Variants in UNC13C observed in about 807,000 individuals in gnomAD.
The protein encoded by UNC13C is unc-13 homolog C, also known as protein unc-13 homolog C.
Under a neutral mutation model 245.4 loss-of-function variants are expected in UNC13C, and 174 were observed. The observed-to-expected ratio is 0.71, with a 90% CI of 0.63 to 0.80. UNC13C has a LOEUF of 0.80. Ranked by LOEUF, UNC13C falls within the 30% of genes least tolerant of loss-of-function variation. The pLI, the probability that UNC13C is intolerant of heterozygous loss-of-function variation, is 0.00. For synonymous variants in UNC13C, 992 were observed against 895.1 expected (o/e 1.11, Z -1.93); for missense variants, 2,829 against 2,602.9 (o/e 1.09, Z -1.89).
chr15:54,585,025 A>G (rs934994734), intron 30 of UNC13C, among the ~76,000 whole-genome samples: 15 of 152,212 alleles, frequency 9.9e-5, no homozygotes, highest in African/African-American at 3.6e-4. Context: ...CCATCACCAG[A>G]CTACCATTGG....
chr15:53,946,370 C>A, the UNC13C span, among the ~76,000 whole-genome samples: 2 of 151,768 alleles, frequency 1.3e-5, no homozygotes, highest in South Asian at 2.1e-4. Flanking sequence ...ATGATGTTGG[C>A]TGAGGGTTCA....
At chr15:53,872,244 T>C in the UNC13C span, among the ~76,000 whole-genome samples, 1 of 152,138 alleles carries the variant, frequency 6.6e-6, no homozygotes, top group African/African-American at 2.4e-5. Context: ...GGGAGGAATA[T>C]GTCAGATAGG....
intron 14 of UNC13C, among the ~76,000 whole-genome samples, chr15:54,326,068 A>T (rs1308800992): frequency 1.3e-5 from 2 of 152,078 alleles, no homozygotes; most frequent in Admixed American, 1.3e-4. Flanking sequence ...AGGAGAGGCT[A>T]GCCTTTAGAA....
At chr15:53,940,356 T>C in the UNC13C span, among the ~76,000 whole-genome samples, 3 of 152,112 alleles carry the variant, frequency 2.0e-5, no homozygotes, top group South Asian at 4.2e-4. Flanking sequence ...CCACAGCCAA[T>C]ATTATACTGA....
intron 2 of UNC13C, among the ~76,000 whole-genome samples, chr15:54,025,817 T>A (rs976149040): frequency 3.3e-5 from 5 of 152,236 alleles, no homozygotes; most frequent in African/African-American, 1.2e-4. Flanking sequence ...ACATGATTAT[T>A]CAGGTGTCAT....
the UNC13C span, among the ~76,000 whole-genome samples, chr15:53,858,313 T>G: frequency 2.0e-5 from 3 of 152,168 alleles, no homozygotes; most frequent in African/African-American, 7.2e-5. Context: ...TTATGTTTGG[T>G]TTCACTTTAG....
intron 30 of UNC13C, among the ~76,000 whole-genome samples, chr15:54,613,392 CAT>C (rs1596677421): frequency 6.6e-6 from 1 of 151,790 alleles, no homozygotes; most frequent in African/African-American, 2.4e-5. Context: ...ATGCATGAAT[CAT>C]AAAATATTCA....
At chr15:54,491,378 AAC>A (rs1286403954) in intron 19 of UNC13C, among the ~76,000 whole-genome samples, 2 of 152,220 alleles carry the variant, frequency 1.3e-5, no homozygotes, top group African/African-American at 4.8e-5. Context: ...CCTTCATATC[AAC>A]ATGATAAAAG....
intron 24 of UNC13C, among the ~76,000 whole-genome samples, chr15:54,525,335 T>G (rs1462603663): frequency 1.3e-5 from 2 of 151,966 alleles, no homozygotes; most frequent in Non-Finnish European, 2.9e-5. Flanking sequence ...TGCCCTGCAT[T>G]TCAAACAATT....
intron 2 of UNC13C, among the ~76,000 whole-genome samples, chr15:54,035,879 C>T (rs1212139913): frequency 3.9e-5 from 6 of 152,022 alleles, no homozygotes; most frequent in Non-Finnish European, 5.9e-5. Flanking sequence ...TGGATTCTTA[C>T]GTGCAGCCGT....
chr15:54,622,224 T>C (rs11638551), intron 30 of UNC13C, 103 bp from the exon 31 acceptor site: 36,968 of 803,112 alleles, frequency 0.046, 1,497 homozygotes, highest in Admixed American at 0.15. Flanking sequence ...GAAAGAACTA[T>C]TCATTTCCAA....
chr15:54,374,760 C>T (rs2039568254), intron 17 of UNC13C, among the ~76,000 whole-genome samples: 1 of 152,202 alleles, frequency 6.6e-6, no homozygotes, highest in Non-Finnish European at 1.5e-5. Context: ...CTCCTGCTAG[C>T]TCTGTGGAGC....
At chr15:54,362,018 A>G (rs79440044) in intron 17 of UNC13C, among the ~76,000 whole-genome samples, 2 of 147,854 alleles carry the variant, frequency 1.4e-5, no homozygotes, top group Non-Finnish European at 3.0e-5. Flanking sequence ...TTGTAAAAAA[A>G]TATGGCCAGG....
chr15:54,138,370 A>G (rs1224240685), intron 2 of UNC13C, among the ~76,000 whole-genome samples: 1 of 152,112 alleles, frequency 6.6e-6, no homozygotes, highest in Non-Finnish European at 1.5e-5. Context: ...ATATTAACCT[A>G]TTACTGAAGT....
chr15:54,063,643 A>G (rs1188947799), intron 2 of UNC13C, among the ~76,000 whole-genome samples: 1 of 152,198 alleles, frequency 6.6e-6, no homozygotes, highest in Non-Finnish European at 1.5e-5. Context: ...TGCAAAGAAG[A>G]TTCTGTCTTG....
chr15:53,938,288 A>G, the UNC13C span, among the ~76,000 whole-genome samples: 40 of 152,358 alleles, frequency 2.6e-4, no homozygotes, highest in Admixed American at 2.3e-3. Flanking sequence ...AGGGCATTAC[A>G]TAATGGTAAA....
intron 2 of UNC13C, among the ~76,000 whole-genome samples, chr15:54,044,164 A>T (rs1164571073): frequency 6.6e-6 from 1 of 152,218 alleles, no homozygotes; most frequent in Admixed American, 6.5e-5. Context: ...ATATAAATGG[A>T]ATAATGTAAG....
chr15:54,017,655 A>C (rs1445863167), intron 2 of UNC13C, among the ~76,000 whole-genome samples: 2 of 152,304 alleles, frequency 1.3e-5, no homozygotes, highest in East Asian at 3.9e-4. Context: ...AACTTCTAAA[A>C]ATTCCAAATT....
chr15:54,154,607 G>T (rs143350840), intron 4 of UNC13C, among the ~76,000 whole-genome samples: 1 of 152,050 alleles, frequency 6.6e-6, no homozygotes, highest in African/African-American at 2.4e-5. Flanking sequence ...CAACATTTCC[G>T]TTTTTTCCCC....
Sources: gnomAD v4.1 joint callset for allele counts (sites outside exome capture counted in the v4.1 genomes callset) on GRCh38, gnomAD v4.1.1 for gene constraint, MANE v1.5 for transcripts, NCBI Gene and HGNC (gene_info 2026-07-23, HGNC 2026-07-21) for gene names.